Variants in RABGAP1L observed in about 807,000 individuals in gnomAD.
The protein encoded by RABGAP1L is RAB GTPase activating protein 1 like.
Under a neutral mutation model 137.7 loss-of-function variants are expected in RABGAP1L, and 63 were observed. The ratio of observed to expected loss-of-function variants is 0.46; its 90% CI spans 0.37 to 0.56. The LOEUF is 0.56. Among genes scored for constraint, RABGAP1L ranks in the 20% least tolerant of loss-of-function variants. The pLI is 0.00. For synonymous variants in RABGAP1L, 431 were observed against 433.7 expected (o/e 0.99, Z 0.08); for missense variants, 1,095 against 1,244.0 (o/e 0.88, Z 1.80).
At chr1:174,736,067 A>T (rs1472228517) in intron 17 of RABGAP1L, among the ~76,000 whole-genome samples, 1 of 152,130 alleles carries the variant, frequency 6.6e-6, no homozygotes, top group Admixed American at 6.5e-5. Flanking sequence ...CACACTGTAA[A>T]ATCCAACCGG....
chr1:174,429,328 TATA>T (rs1359501718), intron 13 of RABGAP1L, among the ~76,000 whole-genome samples: 4 of 152,238 alleles, frequency 2.6e-5, no homozygotes, highest in African/African-American at 9.6e-5. Flanking sequence ...TATGAGGATC[TATA>T]ATATATATAA....
Position 174,632,625 on chromosome 1 carries a change from C to T in RABGAP1L, c.1711-4750C>T, listed in dbSNP as rs533938650. On this transcript the variant is annotated intron_variant, in intron 13 of 25. Coordinates refer to ENST00000681986, the MANE Select transcript of RABGAP1L (RefSeq NM_001366446.1). ...TCTTTTTTCTCTAAACTTCCCTTCT[C>T]GCTTCATTTCATTCATTTCATCTTC... Among the ~76,000 whole-genome samples the T allele has an allele frequency of 3.2e-3, 483 of 149,900 alleles. 2 individuals are homozygous for T. Among genetic ancestry groups the T allele is most frequent in the African/African-American group, 9.3e-3 (375 of 40,306 alleles).
intron 13 of RABGAP1L, among the ~76,000 whole-genome samples, chr1:174,614,777 C>G (rs1363916237): frequency 6.6e-6 from 1 of 152,158 alleles, no homozygotes. Context: ...TTGCTCATTT[C>G]TTTTTATTCT....
chr1:174,365,707 A>C (rs1450965711), intron 11 of RABGAP1L, among the ~76,000 whole-genome samples: 1 of 152,158 alleles, frequency 6.6e-6, no homozygotes, highest in African/African-American at 2.4e-5. Flanking sequence ...GTGGCTGCTG[A>C]GGGATGTGGG....
intron 17 of RABGAP1L, among the ~76,000 whole-genome samples, chr1:174,724,185 T>C (rs1681806347): frequency 6.6e-6 from 1 of 152,246 alleles, no homozygotes; most frequent in African/African-American, 2.4e-5. Flanking sequence ...AATTTTATAT[T>C]AGATTTTCTT....
At chr1:174,378,666 A>G (rs1433053355) in intron 12 of RABGAP1L, among the ~76,000 whole-genome samples, 2 of 151,832 alleles carry the variant, frequency 1.3e-5, no homozygotes, top group Non-Finnish European at 1.5e-5. Context: ...GTTTGAGTTC[A>G]TTGTAGATTC....
chr1:174,748,460 G>A (rs1684060853), intron 17 of RABGAP1L, among the ~76,000 whole-genome samples: 1 of 152,142 alleles, frequency 6.6e-6, no homozygotes, highest in African/African-American at 2.4e-5. Flanking sequence ...CAATTTAGAG[G>A]TTTATTTTGC....
chr1:174,438,744 GTATATATATATATATATATATATA>G (rs71117563), intron 13 of RABGAP1L, among the ~76,000 whole-genome samples: 2 of 95,456 alleles, frequency 2.1e-5, no homozygotes, highest in Non-Finnish European at 3.8e-5. Context: ...GTGTGTGTGT[GTATATATATATATATATATATATA>G]TATATATATG....
chr1:174,789,635 G>A (rs959506097), intron 18 of RABGAP1L, among the ~76,000 whole-genome samples: 2 of 152,112 alleles, frequency 1.3e-5, no homozygotes, highest in Non-Finnish European at 2.9e-5. Flanking sequence ...TCTCTGTGGG[G>A]TCTCCTGGGG....
chr1:174,584,634 G>A (rs1668982738), intron 13 of RABGAP1L, among the ~76,000 whole-genome samples: 1 of 152,168 alleles, frequency 6.6e-6, no homozygotes, highest in Non-Finnish European at 1.5e-5. Context: ...ATCATTCTTG[G>A]TGATGGGCTT....
intron 13 of RABGAP1L, among the ~76,000 whole-genome samples, chr1:174,561,572 C>G (rs1159979389): frequency 1.3e-5 from 2 of 152,150 alleles, no homozygotes; most frequent in African/African-American, 2.4e-5. Context: ...GCAAAGAGAA[C>G]AAAGCTGGAG....
chr1:174,248,581 G>T (rs922156453), intron 5 of RABGAP1L, among the ~76,000 whole-genome samples: 6 of 152,104 alleles, frequency 3.9e-5, no homozygotes, highest in African/African-American at 4.8e-5. Context: ...TGTTAATTTG[G>T]CATTGAGAAG....
At chr1:174,405,593 CAAT>C (rs1184637055) in intron 13 of RABGAP1L, among the ~76,000 whole-genome samples, 20 of 152,294 alleles carry the variant, frequency 1.3e-4, no homozygotes, top group African/African-American at 4.6e-4. Flanking sequence ...CTAACCACAA[CAAT>C]GAGGCAGGCA....
chr1:174,899,028 A>G (rs546548570), intron 19 of RABGAP1L, among the ~76,000 whole-genome samples: 1 of 152,320 alleles, frequency 6.6e-6, no homozygotes, highest in South Asian at 2.1e-4. Flanking sequence ...CTGGGAATCT[A>G]TAGCAAGAAC....
intron 19 of RABGAP1L, among the ~76,000 whole-genome samples, chr1:174,858,359 G>A (rs957920452): frequency 4.7e-4 from 72 of 152,250 alleles, no homozygotes; most frequent in African/African-American, 1.7e-3. Flanking sequence ...TCAACAGGGA[G>A]TGATTTTGCC....
At chr1:174,481,739 G>A (rs1043204485) in intron 13 of RABGAP1L, among the ~76,000 whole-genome samples, 3 of 151,984 alleles carry the variant, frequency 2.0e-5, no homozygotes, top group African/African-American at 7.2e-5. Context: ...ACTGTGGTAG[G>A]GAGAATAATG....
chr1:174,312,468 G>GT (rs1342985563), intron 11 of RABGAP1L, among the ~76,000 whole-genome samples: 1 of 151,966 alleles, frequency 6.6e-6, no homozygotes, highest in Non-Finnish European at 1.5e-5. Flanking sequence ...CTACAGAGAT[G>GT]TTTGAGCTGT....
chr1:174,827,522 A>G (rs916422253), intron 19 of RABGAP1L, among the ~76,000 whole-genome samples: 5 of 126,780 alleles, frequency 3.9e-5, no homozygotes, highest in African/African-American at 8.3e-5. Flanking sequence ...TTTCTTCTCA[A>G]TTTCTCTGAA....
intron 19 of RABGAP1L, among the ~76,000 whole-genome samples, chr1:174,816,491 A>C (rs999553236): frequency 8.6e-5 from 13 of 151,954 alleles, no homozygotes; most frequent in Non-Finnish European, 1.6e-4. Context: ...TAATCTTTAT[A>C]ATTCTTGATC....
Sources: gnomAD v4.1 joint callset for allele counts (sites outside exome capture counted in the v4.1 genomes callset) on GRCh38, gnomAD v4.1.1 for gene constraint, MANE v1.5 for transcripts, NCBI Gene and HGNC (gene_info 2026-07-23, HGNC 2026-07-21) for gene names.